Variants in ALCAM observed in about 807,000 individuals in gnomAD.
ALCAM encodes the protein activated leukocyte cell adhesion molecule, also known as CD166 antigen.
ALCAM carries 30 observed loss-of-function variants against 70.9 expected under a neutral mutation model. That is an observed-to-expected ratio of 0.42 (90% CI 0.32 to 0.57). The LOEUF (loss-of-function observed/expected upper bound fraction) is 0.57, where lower values mean the gene tolerates loss of function less well. ALCAM is among the 20% of genes least tolerant of loss of function. ALCAM has a pLI of 0.11. For synonymous variants in ALCAM, 249 were observed against 242.5 expected, an observed-to-expected ratio of 1.03 and a Z score of -0.25; for missense variants, 591 against 695.1, an observed-to-expected ratio of 0.85 and a Z score of 1.68.
At chr3:105,384,835 T>C (rs1167190795) in intron 1 of ALCAM, among the ~76,000 whole-genome samples, 1 of 151,564 alleles carries the variant, frequency 6.6e-6, no homozygotes, top group Non-Finnish European at 1.5e-5. Context: ...CTTTTAAATA[T>C]AGGACTTTGA....
intron 1 of ALCAM, among the ~76,000 whole-genome samples, chr3:105,515,379 T>C (rs1367813490): frequency 3.3e-5 from 5 of 152,076 alleles, no homozygotes; most frequent in South Asian, 2.1e-4. Context: ...GATACTATCA[T>C]GTATCATTCT....
chr3:105,486,877 T>C (rs529771828), intron 1 of ALCAM, among the ~76,000 whole-genome samples: 1 of 152,292 alleles, frequency 6.6e-6, no homozygotes, highest in East Asian at 1.9e-4. Context: ...AATTATGTTT[T>C]GAAAATAAAT....
chr3:105,403,153 G>A (rs1486245277), intron 1 of ALCAM, among the ~76,000 whole-genome samples: 2 of 151,932 alleles, frequency 1.3e-5, no homozygotes, highest in Non-Finnish European at 2.9e-5. Context: ...CCCCATGTTG[G>A]CCAGGCTGGT....
chr3:105,463,516 A>G (rs1937633980), intron 1 of ALCAM, among the ~76,000 whole-genome samples: 1 of 151,442 alleles, frequency 6.6e-6, no homozygotes, highest in Non-Finnish European at 1.5e-5. Context: ...ATTTTGGTGA[A>G]CAATAAAACT....
At chr3:105,544,722 G>T (rs1940202148) in intron 8 of ALCAM, 1 of 162,188 alleles carries the variant, frequency 6.2e-6, no homozygotes, top group Non-Finnish European at 1.3e-5. Flanking sequence ...GATGAGAAAT[G>T]GAATAGCACT....
chr3:105,444,274 C>T (rs1937246167), intron 1 of ALCAM, among the ~76,000 whole-genome samples: 1 of 152,156 alleles, frequency 6.6e-6, no homozygotes, highest in African/African-American at 2.4e-5. Context: ...CTCACAGTTC[C>T]ACATGGCTGG....
chr3:105,367,465 C>A lies in ALCAM; in HGVS notation c.57C>A (p.Ala19=). 1.2e-6 allele frequency: 2 copies of A among 1,614,052 alleles called. No individual in the cohort carries two copies. The highest frequency in any genetic ancestry group is 1.7e-6 in the Non-Finnish European group (2 of 1,179,944). The change falls in exon 1 of 16, where the codon GCC becomes GCA. Residue 19 remains alanine, a synonymous_variant. Coordinates refer to ENST00000306107, the MANE Select transcript of ALCAM (RefSeq NM_001627.4). ...TGCTCTTCTGCCTCTTGATCTCCGC[C>A]ACCGTCTTCAGGCCAGGTGAGCAAG... ...CRLLFCLLIS[A]TVFRPGLGWY... is the part of the protein sequence containing the mutation.
rs1206124255 is a variant in ALCAM, at chr3:105,540,090, G to A, written c.846G>A (p.Leu282=). 4 of 1,611,262 alleles carry A rather than the reference G, an allele frequency of 2.5e-6. No homozygotes were observed. The highest frequency in any genetic ancestry group is 3.4e-6 in the Non-Finnish European group (4 of 1,178,232). ...GCAACCCTCCCCCAGAGGAATTTTTGTTTTACTTACCAGTAAGTGCTTAAG... is the reference window on the plus strand; with the variant it reads ...GCAACCCTCCCCCAGAGGAATTTTTATTTTACTTACCAGTAAGTGCTTAAG... ...GNGNPPPEEF[L]FYLPGQPEGI... Residue 282 remains leucine (L), a synonymous_variant, in exon 7 of 16, where the codon TTG becomes TTA. Transcript: ENST00000306107.
At chr3:105,573,580 A>G (rs922498698) in intron 15 of ALCAM, among the ~76,000 whole-genome samples, 12 of 152,184 alleles carry the variant, frequency 7.9e-5, no homozygotes, top group African/African-American at 2.9e-4. Context: ...GCTGTGTGTG[A>G]TTTTTAAGAC....
At chr3:105,534,554 A>G in intron 5 of ALCAM, 109 bp from the exon 6 acceptor site, 1 of 1,048,668 alleles carries the variant, frequency 9.5e-7, no homozygotes, top group South Asian at 1.4e-5. Flanking sequence ...CTCCTGCTGA[A>G]TACAGTTAGA....
intron 1 of ALCAM, among the ~76,000 whole-genome samples, chr3:105,502,967 C>T (rs989087946): frequency 6.6e-6 from 1 of 152,206 alleles, no homozygotes; most frequent in African/African-American, 2.4e-5. Context: ...TATTACAGAA[C>T]TTGTTATTAA....
At chr3:105,379,443 T>C (rs116003631) in intron 1 of ALCAM, among the ~76,000 whole-genome samples, 2,233 of 151,766 alleles carry the variant, frequency 0.015, 35 homozygotes, top group African/African-American at 0.037. Context: ...AAGAACATAA[T>C]TGAAAATTAT....
chr3:105,569,600 A>G (rs976964191), intron 14 of ALCAM, among the ~76,000 whole-genome samples: 6 of 152,304 alleles, frequency 3.9e-5, no homozygotes, highest in African/African-American at 1.4e-4. Context: ...ATTAAGGAAC[A>G]GTGGAAGGAA....
intron 1 of ALCAM, among the ~76,000 whole-genome samples, chr3:105,512,643 A>G (rs1377405988): frequency 1.3e-5 from 2 of 151,922 alleles, no homozygotes; most frequent in Non-Finnish European, 2.9e-5. Flanking sequence ...CTAGTTCCCA[A>G]ATGAAGTCAA....
intron 1 of ALCAM, among the ~76,000 whole-genome samples, chr3:105,480,862 A>G (rs749815251): frequency 2.1e-4 from 32 of 152,194 alleles, no homozygotes; most frequent in Non-Finnish European, 4.1e-4. Flanking sequence ...GATCTTATAA[A>G]GTAATTCAGC....
At chr3:105,549,858 T>G (rs553795784) in intron 11 of ALCAM, among the ~76,000 whole-genome samples, 3 of 151,542 alleles carry the variant, frequency 2.0e-5, no homozygotes, top group Admixed American at 1.3e-4. Context: ...AAATGTTGAC[T>G]AAACCTGAGA....
At chr3:105,387,234 TCA>T (rs141314471) in intron 1 of ALCAM, among the ~76,000 whole-genome samples, 7 of 148,542 alleles carry the variant, frequency 4.7e-5, no homozygotes, top group Admixed American at 6.7e-5. Flanking sequence ...CTTCCCACCC[TCA>T]CACACACACA....
intron 1 of ALCAM, among the ~76,000 whole-genome samples, chr3:105,408,881 G>T (rs1457622574): frequency 6.6e-6 from 1 of 151,894 alleles, no homozygotes; most frequent in Non-Finnish European, 1.5e-5. Flanking sequence ...TCAAAAAGCG[G>T]GCTAAGGAGA....
At chr3:105,468,899 A>G (rs1455157622) in intron 1 of ALCAM, among the ~76,000 whole-genome samples, 1 of 151,246 alleles carries the variant, frequency 6.6e-6, no homozygotes, top group Non-Finnish European at 1.5e-5. Flanking sequence ...CTATTTATTT[A>G]TTAATCTTGA....
Sources: gnomAD v4.1 joint callset for allele counts (sites outside exome capture counted in the v4.1 genomes callset) on GRCh38, gnomAD v4.1.1 for gene constraint, MANE v1.5 for transcripts, NCBI Gene and HGNC (gene_info 2026-07-23, HGNC 2026-07-21) for gene names.